The following TRA2A variants were observed in gnomAD, a reference collection of about 807,000 sequenced individuals.
The protein encoded by TRA2A is transformer 2 alpha homolog.
TRA2A carries 31 observed loss-of-function variants against 45.7 expected under a neutral mutation model. The ratio of observed to expected loss-of-function variants is 0.68; its 90% confidence interval spans 0.51 to 0.92. The LOEUF (loss-of-function observed/expected upper bound fraction) is 0.92. Ranked by LOEUF, TRA2A falls within the 40% of genes least tolerant of loss-of-function variation. TRA2A has a pLI of 0.00. For synonymous variants in TRA2A, 132 were observed against 126.2 expected (o/e 1.05, Z -0.31); for missense variants, 304 against 367.5 (o/e 0.83, Z 1.41).
chr7:23,510,631 C>T (rs949589915), intron 4 of TRA2A, among the ~76,000 whole-genome samples: 2 of 151,876 alleles, frequency 1.3e-5, no homozygotes, highest in Non-Finnish European at 2.9e-5. Flanking sequence ...GCCCGGCCTG[C>T]CATTTTAGTT....
At position 23,508,926 on chromosome 7, in the gene TRA2A, A is replaced by C. The variant is rs538710709; in HGVS notation, c.526-1391T>G. On this transcript the variant is annotated intron_variant, in intron 4 of 7. Coordinates refer to ENST00000297071, the MANE Select transcript of TRA2A (RefSeq NM_013293.5). ...CTTGCACAGCCTAATTCTTGAAGAT[A>C]AGAGTTGTCTCTTTGGTCTCTTTGA... is the stretch of plus-strand genomic sequence containing the variant. Among the ~76,000 whole-genome samples the C allele has an allele frequency of 9.2e-5, 14 of 152,288 alleles. No individual in the cohort carries two copies. The South Asian group carries it at 2.1e-3, about 23-fold the overall frequency.
chr7:23,521,933 C>T, intron 1 of TRA2A, 93 bp from the exon 2 acceptor site: 1 of 1,538,130 alleles, frequency 6.5e-7, no homozygotes, highest in Admixed American at 2.0e-5. Context: ...ATTGATTGCT[C>T]CTGAAAAACA....
chr7:23,512,833 T>G, intron 4 of TRA2A, 61 bp downstream of exon 4: 1 of 1,209,428 alleles, frequency 8.3e-7, no homozygotes, highest in South Asian at 1.9e-5. Context: ...GAAATAAGTC[T>G]ATTAATCAAC....
At chr7:23,524,879 A>G (rs1163975375) in intron 1 of TRA2A, among the ~76,000 whole-genome samples, 3 of 151,682 alleles carry the variant, frequency 2.0e-5, no homozygotes, top group Non-Finnish European at 4.4e-5. Context: ...TTTAGTAGAG[A>G]TAGGGTTTCC....
intron 1 of TRA2A, among the ~76,000 whole-genome samples, chr7:23,524,495 T>C (rs1790262232): frequency 6.6e-6 from 1 of 151,984 alleles, no homozygotes; most frequent in Non-Finnish European, 1.5e-5. Context: ...ACATCAGATT[T>C]ATTTTAAAAG....
chr7:23,520,215 C>CAAAACA (rs1319948400), intron 2 of TRA2A, among the ~76,000 whole-genome samples: 5 of 152,110 alleles, frequency 3.3e-5, no homozygotes, highest in Non-Finnish European at 5.9e-5. Flanking sequence ...GACTCCATCT[C>CAAAACA]AAAACAAAAA....
chr7:23,514,933 C>G (rs572792041), intron 3 of TRA2A, among the ~76,000 whole-genome samples: 63 of 152,244 alleles, frequency 4.1e-4, no homozygotes, highest in African/African-American at 1.5e-3. Context: ...AACTTTAGAG[C>G]CCGGCTGCCT....
chr7:23,507,574 C>G, intron 4 of TRA2A, 39 bp from the exon 5 acceptor site: 1 of 1,408,276 alleles, frequency 7.1e-7, no homozygotes, highest in Non-Finnish European at 1.0e-6. Context: ...TATAATTCAC[C>G]AGTCTTGAAG....
intron 6 of TRA2A, 69 bp from the exon 7 acceptor site, chr7:23,505,882 T>G: frequency 1.0e-6 from 1 of 978,458 alleles, no homozygotes; most frequent in Non-Finnish European, 1.5e-6. Flanking sequence ...AAATAAAAAT[T>G]CCTCATCATT....
At chr7:23,523,848 T>C (rs552915101) in intron 1 of TRA2A, among the ~76,000 whole-genome samples, 1 of 152,342 alleles carries the variant, frequency 6.6e-6, no homozygotes, top group East Asian at 1.9e-4. Context: ...ACAGACTGGT[T>C]CATTAATCAA....
In TRA2A at chr7:23,505,585, C is replaced by CAA. The variant is rs5882904; in HGVS notation, c.839-18_839-17dup. 16,174 of 238,198 alleles carry CAA rather than the reference C, an allele frequency of 0.068. 205 individuals carry two copies. The highest frequency in any genetic ancestry group is 0.092 in the Middle Eastern group (73 of 794). 14.8% of individuals were successfully genotyped at this position (238,198 alleles called of 1,614,324 possible). On this transcript the variant is annotated splice_polypyrimidine_tract_variant and intron_variant, in intron 7 of 7. Transcript: ENST00000297071. The stretch of plus-strand genomic sequence containing the variant: ...CAATAGCGTCCTAAAAGAGAAAAAG[C>CAA]AAAAAAAAAAAAAAAAAAAAAAAGT...
At chr7:23,509,821 T>A (rs1789514016) in intron 4 of TRA2A, among the ~76,000 whole-genome samples, 1 of 151,804 alleles carries the variant, frequency 6.6e-6, no homozygotes. Context: ...GGTCCAGAGT[T>A]TGAGGCTAGC....
intron 4 of TRA2A, among the ~76,000 whole-genome samples, chr7:23,509,276 CA>C (rs869225682): frequency 3.0e-4 from 46 of 151,956 alleles, no homozygotes; most frequent in Non-Finnish European, 5.4e-4. Flanking sequence ...AAGCACCCCC[CA>C]AAAAAACACA....
chr7:23,510,471 C>A (rs1013737247), intron 4 of TRA2A, among the ~76,000 whole-genome samples: 4 of 151,558 alleles, frequency 2.6e-5, no homozygotes, highest in Non-Finnish European at 4.4e-5. Context: ...CTTGGGGTTA[C>A]AGGCGCTTGC....
intron 1 of TRA2A, chr7:23,531,452 C>T: frequency 2.7e-6 from 1 of 369,728 alleles, no homozygotes; most frequent in Non-Finnish European, 4.8e-6. Flanking sequence ...CTGCCGCCTC[C>T]TCCCGCCCAA....
intron 1 of TRA2A, among the ~76,000 whole-genome samples, chr7:23,529,078 T>A (rs964614261): frequency 6.6e-6 from 1 of 152,202 alleles, no homozygotes; most frequent in African/African-American, 2.4e-5. Flanking sequence ...GTGTAAAATG[T>A]TAAGAAAAGA....
chr7:23,531,271 C>T, intron 1 of TRA2A: 1 of 988,026 alleles, frequency 1.0e-6, no homozygotes, highest in Non-Finnish European at 1.2e-6. Context: ...CGGCCGCTCA[C>T]TGAAATAGAG....
chr7:23,516,588 C>A, intron 2 of TRA2A, 60 bp from the exon 3 acceptor site: 1 of 1,509,064 alleles, frequency 6.6e-7, no homozygotes, highest in Non-Finnish European at 9.2e-7. Context: ...GTCCTTCCCT[C>A]TTCCAAGAAG....
At position 23,505,585 on chromosome 7, in the gene TRA2A, CAAAAAAAAA is replaced by C. The variant is rs5882904; in HGVS notation, c.839-25_839-17del. The C allele has an allele frequency of 2.9e-5, 7 of 244,998 alleles. No homozygotes were observed. The highest frequency in any genetic ancestry group is 2.0e-4 in the South Asian group (2 of 9,820). The allele number at this position is 244,998 out of a possible 1,614,324, so 15.2% of individuals were successfully genotyped here. A position where few individuals can be genotyped will look rare whatever the true frequency, so the allele number is the denominator to read the frequency against. ...CAATAGCGTCCTAAAAGAGAAAAAGCAAAAAAAAAAAAAAAAAAAAAAAGTTAACAATTA... is the reference window on the plus strand; with the variant it reads ...CAATAGCGTCCTAAAAGAGAAAAAGCAAAAAAAAAAAAAAGTTAACAATTA... On this transcript the variant is annotated splice_polypyrimidine_tract_variant and intron_variant, in intron 7 of 7. Transcript: ENST00000297071.
Sources: allele counts gnomAD v4.1 joint callset (sites outside exome capture counted in the v4.1 genomes callset), GRCh38; gene constraint gnomAD v4.1.1; transcripts MANE v1.5; gene names NCBI Gene and HGNC (gene_info 2026-07-23, HGNC 2026-07-21).